Variants in DCC observed in about 807,000 individuals in gnomAD.
The protein encoded by DCC is DCC netrin 1 receptor, also known as netrin receptor DCC.
Under a neutral mutation model 172.5 loss-of-function variants are expected in DCC, and 58 were observed. The ratio of observed to expected loss-of-function variants is 0.34; its 90% CI spans 0.27 to 0.42. The LOEUF is 0.42. Ranked by LOEUF, DCC falls within the 10% of genes least tolerant of loss-of-function variation. The pLI, the probability that DCC is intolerant of heterozygous loss-of-function variation, is 1.00. For synonymous variants in DCC, 709 were observed against 644.5 expected, an observed-to-expected ratio of 1.10 and a Z score of -1.52; for missense variants, 1,740 against 1,791.0, an observed-to-expected ratio of 0.97 and a Z score of 0.51.
chr18:53,048,249 T>A (rs35396060), intron 5 of DCC, among the ~76,000 whole-genome samples: 42,184 of 151,578 alleles, frequency 0.28, 6,472 homozygotes, highest in African/African-American at 0.4. Context: ...ATAGGTATTT[T>A]TTTTTTTCTG....
At chr18:52,902,309 T>C (rs935205701) in intron 2 of DCC, among the ~76,000 whole-genome samples, 3 of 152,190 alleles carry the variant, frequency 2.0e-5, no homozygotes, top group African/African-American at 7.2e-5. Context: ...AAACCTTTAG[T>C]GATGTAGGAG....
intron 21 of DCC, chr18:53,416,523 T>G (rs553165470): frequency 2.9e-6 from 1 of 344,228 alleles, no homozygotes; most frequent in South Asian, 2.7e-5. Flanking sequence ...AGCTATGGAT[T>G]AAAGTTCTGT....
At chr18:52,470,620 G>A (rs913090060) in intron 1 of DCC, among the ~76,000 whole-genome samples, 7 of 152,082 alleles carry the variant, frequency 4.6e-5, no homozygotes, top group Admixed American at 4.6e-4. Flanking sequence ...TAAGAACTCA[G>A]CCAATGGATG....
intron 7 of DCC, among the ~76,000 whole-genome samples, chr18:53,132,892 G>A (rs918600404): frequency 6.6e-6 from 1 of 152,144 alleles, no homozygotes; most frequent in African/African-American, 2.4e-5. Flanking sequence ...TCCTTTAATG[G>A]ATCTGGGACA....
rs34738826 is a variant in DCC at position 52,728,946 on chromosome 18, A to G, written c.92-23108A>G. Reference sequence around the variant, plus strand: ...TTTGGAGAAGTGATTAGAAATATTAATGGGCTCTGAAAACAAATCAAAAAG... The same window carrying G: ...TTTGGAGAAGTGATTAGAAATATTAGTGGGCTCTGAAAACAAATCAAAAAG... On this transcript the variant is annotated intron_variant, in intron 1 of 28. Transcript: ENST00000442544. Among the ~76,000 whole-genome samples, 927 of 152,308 alleles carry G rather than the reference A, an allele frequency of 6.1e-3. 3 individuals are homozygous for G. The highest frequency in any genetic ancestry group is 0.011 in the Non-Finnish European group (740 of 68,022).
intron 5 of DCC, among the ~76,000 whole-genome samples, chr18:53,036,320 C>T (rs1235228812): frequency 2.6e-5 from 4 of 152,004 alleles, no homozygotes; most frequent in African/African-American, 9.7e-5. Context: ...ATTTGAGTAT[C>T]TTGCAAAATT....
At chr18:52,806,319 C>T (rs76245835) in intron 2 of DCC, among the ~76,000 whole-genome samples, 2 of 152,266 alleles carry the variant, frequency 1.3e-5, no homozygotes, top group South Asian at 2.1e-4. Flanking sequence ...GATGAACTTA[C>T]ATTGATACAT....
intron 5 of DCC, among the ~76,000 whole-genome samples, chr18:52,969,616 TCTC>T (rs2040994169): frequency 6.7e-6 from 1 of 149,252 alleles, no homozygotes; most frequent in African/African-American, 2.5e-5. Context: ...TCTCTCTCTC[TCTC>T]TCTTTCTGTG....
At chr18:52,795,654 C>CT (rs1347587744) in intron 2 of DCC, among the ~76,000 whole-genome samples, 1 of 151,632 alleles carries the variant, frequency 6.6e-6, no homozygotes, top group Non-Finnish European at 1.5e-5. Flanking sequence ...GTTCTGTTTT[C>CT]TTATTTTTTC....
intron 8 of DCC, 90 bp from the exon 9 acceptor site, chr18:53,178,872 T>A: frequency 7.1e-7 from 1 of 1,402,978 alleles, no homozygotes; most frequent in South Asian, 1.2e-5. Flanking sequence ...AACCTTTTGG[T>A]TCACCTCACT....
intron 12 of DCC, among the ~76,000 whole-genome samples, chr18:53,284,831 C>G (rs970413793): frequency 6.6e-6 from 1 of 152,150 alleles, no homozygotes; most frequent in Non-Finnish European, 1.5e-5. Context: ...ACAATGAAAT[C>G]AGGCTGAGGT....
intron 1 of DCC, among the ~76,000 whole-genome samples, chr18:52,748,739 A>C (rs2145126845): frequency 6.6e-6 from 1 of 152,308 alleles, no homozygotes; most frequent in African/African-American, 2.4e-5. Flanking sequence ...AGAGTGAGCA[A>C]GGTGGAGAAA....
intron 11 of DCC, among the ~76,000 whole-genome samples, chr18:53,212,427 C>A (rs909854083): frequency 1.7e-5 from 2 of 115,462 alleles, no homozygotes; most frequent in African/African-American, 1.0e-4. Flanking sequence ...TCTATTGTAT[C>A]TATCTATCTC....
intron 7 of DCC, among the ~76,000 whole-genome samples, chr18:53,126,991 C>T (rs778676740): frequency 1.3e-5 from 2 of 152,104 alleles, no homozygotes; most frequent in Non-Finnish European, 2.9e-5. Context: ...TTCTTCGAGG[C>T]TTTCCAGGAG....
At chr18:53,247,417 G>C (rs891722386) in intron 12 of DCC, among the ~76,000 whole-genome samples, 1 of 151,916 alleles carries the variant, frequency 6.6e-6, no homozygotes, top group Non-Finnish European at 1.5e-5. Context: ...AATTATATGT[G>C]CTTATAAATA....
intron 1 of DCC, among the ~76,000 whole-genome samples, chr18:52,563,463 C>T (rs2033085544): frequency 6.6e-6 from 1 of 152,094 alleles, no homozygotes; most frequent in South Asian, 2.1e-4. Context: ...TTAGTATGAA[C>T]TCTGCGGTGT....
intron 12 of DCC, among the ~76,000 whole-genome samples, chr18:53,248,913 G>A (rs924351521): frequency 6.6e-6 from 1 of 151,928 alleles, no homozygotes; most frequent in African/African-American, 2.4e-5. Flanking sequence ...GTATTTTAGG[G>A]GGAATTTTTG....
At chr18:53,151,949 T>C (rs2054648008) in intron 7 of DCC, among the ~76,000 whole-genome samples, 1 of 152,152 alleles carries the variant, frequency 6.6e-6, no homozygotes, top group South Asian at 2.1e-4. Context: ...ATCCACTTCT[T>C]CATTTAGACA....
At chr18:53,128,724 A>T (rs2043600758) in intron 7 of DCC, among the ~76,000 whole-genome samples, 1 of 151,560 alleles carries the variant, frequency 6.6e-6, no homozygotes, top group Non-Finnish European at 1.5e-5. Flanking sequence ...GCAAAGGAAA[A>T]TTATACTGGT....
Sources: allele counts gnomAD v4.1 joint callset (sites outside exome capture counted in the v4.1 genomes callset), GRCh38; gene constraint gnomAD v4.1.1; transcripts MANE v1.5; gene names NCBI Gene and HGNC (gene_info 2026-07-23, HGNC 2026-07-21).